The following GRID2 variants were observed in gnomAD, a reference collection of about 807,000 sequenced individuals.
GRID2 encodes glutamate receptor ionotropic, delta-2.
In GRID2, 33 loss-of-function variants were observed where a neutral mutation model predicts 114.8. The observed-to-expected ratio is 0.29, with a 90% CI of 0.22 to 0.38. The LOEUF is 0.38. Among genes scored for constraint, GRID2 ranks in the 10% least tolerant of loss-of-function variants. The probability of loss-of-function intolerance (pLI) is 1.00; values close to 1 mark genes in which losing one functional copy is unlikely to be tolerated. For synonymous variants in GRID2, 505 were observed against 449.9 expected (o/e 1.12, Z -1.55); for missense variants, 1,184 against 1,257.7 (o/e 0.94, Z 0.89).
chr4:92,703,147 T>C (rs977358837), intron 2 of GRID2, among the ~76,000 whole-genome samples: 5 of 152,190 alleles, frequency 3.3e-5, no homozygotes, highest in African/African-American at 1.2e-4. Flanking sequence ...CTATTTTATA[T>C]ATGAAAGTTC....
chr4:92,347,978 C>T (rs912170222), intron 1 of GRID2, among the ~76,000 whole-genome samples: 16 of 152,066 alleles, frequency 1.1e-4, no homozygotes, highest in African/African-American at 2.4e-4. Flanking sequence ...TTGTTGAGAC[C>T]GATTATTTGC....
intron 2 of GRID2, among the ~76,000 whole-genome samples, chr4:92,841,756 G>A (rs975753157): frequency 1.3e-5 from 2 of 151,752 alleles, no homozygotes; most frequent in South Asian, 2.1e-4. Context: ...TAACAATATG[G>A]TATTCAAACA....
chr4:93,543,660 G>A (rs535755556), intron 13 of GRID2, among the ~76,000 whole-genome samples: 12 of 152,008 alleles, frequency 7.9e-5, no homozygotes, highest in African/African-American at 2.7e-4. Context: ...GGGCAAGGGA[G>A]TGAGAGCAAG....
intron 8 of GRID2, among the ~76,000 whole-genome samples, chr4:93,241,325 T>A (rs1747483569): frequency 6.6e-6 from 1 of 151,736 alleles, no homozygotes; most frequent in African/African-American, 2.4e-5. Context: ...TTTGTTATTT[T>A]ACACCTTCTA....
intron 2 of GRID2, among the ~76,000 whole-genome samples, chr4:92,834,535 G>A (rs1320985630): frequency 2.6e-5 from 4 of 152,214 alleles, no homozygotes; most frequent in South Asian, 2.1e-4. Flanking sequence ...GTATGCAAAC[G>A]TCTTTTATGA....
chr4:93,500,861 C>CAAATATGTATTATG (rs1728026685), intron 12 of GRID2, among the ~76,000 whole-genome samples: 1 of 152,014 alleles, frequency 6.6e-6, no homozygotes, highest in Non-Finnish European at 1.5e-5. Context: ...TCATAATACA[C>CAAATATGTATTATG]AGCTCAAATA....
intron 1 of GRID2, among the ~76,000 whole-genome samples, chr4:92,466,348 ATTTTTC>A (rs1335799466): frequency 6.6e-6 from 1 of 151,738 alleles, no homozygotes. Context: ...AGTTAAAACT[ATTTTTC>A]TTTTTCTATA....
At chr4:92,866,518 T>TTA (rs1405747549) in intron 2 of GRID2, among the ~76,000 whole-genome samples, 5 of 151,754 alleles carry the variant, frequency 3.3e-5, no homozygotes, top group Middle Eastern at 3.2e-3. Context: ...AACCAAATGG[T>TTA]GTTGTTAGAA....
At chr4:92,900,899 G>T (rs6818303) in intron 2 of GRID2, among the ~76,000 whole-genome samples, 1 of 145,272 alleles carries the variant, frequency 6.9e-6, no homozygotes, top group Non-Finnish European at 1.5e-5. Flanking sequence ...TGCTGCAAAA[G>T]ACATGATTTC....
chr4:93,537,383 G>A (rs1732203066), intron 13 of GRID2, among the ~76,000 whole-genome samples: 1 of 151,574 alleles, frequency 6.6e-6, no homozygotes, highest in African/African-American at 2.4e-5. Context: ...TGCCTACAAG[G>A]AATTTTGCCT....
intron 8 of GRID2, among the ~76,000 whole-genome samples, chr4:93,384,473 G>A (rs1764138453): frequency 6.6e-6 from 1 of 151,976 alleles, no homozygotes; most frequent in South Asian, 2.1e-4. Context: ...ATTTATATCA[G>A]TCATTTGGGA....
At chr4:92,765,281 G>A (rs1187055634) in intron 2 of GRID2, among the ~76,000 whole-genome samples, 9 of 152,074 alleles carry the variant, frequency 5.9e-5, no homozygotes, top group Non-Finnish European at 8.8e-5. Context: ...AGAACACATG[G>A]AACTAATTTC....
chr4:92,348,636 G>T (rs1479622046), intron 1 of GRID2, among the ~76,000 whole-genome samples: 3 of 152,226 alleles, frequency 2.0e-5, no homozygotes, highest in African/African-American at 7.2e-5. Flanking sequence ...GAAATACAAG[G>T]TATGTTAATT....
At chr4:93,785,365 C>T (rs1324699407) in intron 1 of GRID2, among the ~76,000 whole-genome samples, 1 of 152,040 alleles carries the variant, frequency 6.6e-6, no homozygotes, top group African/African-American at 2.4e-5. Context: ...GCCACTCAGA[C>T]CAGGGCTAGG....
Position 93,782,859 on chromosome 4 carries a change from C to T in GRID2, c.221+13409C>T, listed in dbSNP as rs184020287. Among the ~76,000 whole-genome samples, 3 of 151,880 alleles carry T rather than the reference C, an allele frequency of 2.0e-5. No individual in the cohort carries two copies. The East Asian group carries it at 5.8e-4, about 29-fold the overall frequency. The stretch of plus-strand genomic sequence containing the variant: ...TTCTTTGCTATGTACTCTTGCCTCA[C>T]AGCCTTGCTTTTAAAATATAAACCA... On this transcript the variant is annotated intron_variant, in intron 1 of 1. Coordinates refer to the GRID2 transcript ENST00000637838.
chr4:92,608,196 TC>T (rs1729551886), intron 2 of GRID2, among the ~76,000 whole-genome samples: 1 of 151,790 alleles, frequency 6.6e-6, no homozygotes, highest in African/African-American at 2.4e-5. Flanking sequence ...AAGATCTGTG[TC>T]CTATTCCCAA....
intron 1 of GRID2, among the ~76,000 whole-genome samples, chr4:92,363,604 G>T (rs185671266): frequency 2.3e-4 from 35 of 151,898 alleles, no homozygotes; most frequent in African/African-American, 8.4e-4. Flanking sequence ...TTTTTTTCTG[G>T]ATACCTATCT....
intron 9 of GRID2, among the ~76,000 whole-genome samples, chr4:93,421,139 T>G (rs190210069): frequency 2.6e-3 from 393 of 152,146 alleles, no homozygotes; most frequent in African/African-American, 9.2e-3. Context: ...GTGTGTAGTC[T>G]CAGATAGTTA....
chr4:93,802,802 G>A (rs564040776), intron 1 of GRID2, among the ~76,000 whole-genome samples: 78 of 152,258 alleles, frequency 5.1e-4, no homozygotes, highest in Non-Finnish European at 8.2e-4. Flanking sequence ...TAAGGGTCAA[G>A]GATCCAAATA....
Sources: gnomAD v4.1 joint callset for allele counts (sites outside exome capture counted in the v4.1 genomes callset) on GRCh38, gnomAD v4.1.1 for gene constraint, MANE v1.5 for transcripts, NCBI Gene and HGNC (gene_info 2026-07-23, HGNC 2026-07-21) for gene names.